Variants in SV2C observed in about 807,000 individuals in gnomAD.
SV2C encodes synaptic vesicle glycoprotein 2C, also known as solute carrier family 22 member B3.
Under a neutral mutation model 79.7 loss-of-function variants are expected in SV2C, and 49 were observed. That is an observed-to-expected ratio of 0.61 (90% CI 0.49 to 0.78). The LOEUF (loss-of-function observed/expected upper bound fraction) is 0.78. SV2C is among the 30% of genes least tolerant of loss of function. The probability of loss-of-function intolerance (pLI) is 0.00; values close to 1 mark genes in which losing one functional copy is unlikely to be tolerated. For missense variants in SV2C, 833 were observed against 912.9 expected (o/e 0.91, Z 1.13); for synonymous variants, 334 against 333.2 (o/e 1.00, Z -0.03).
intron 1 of SV2C, among the ~76,000 whole-genome samples, chr5:76,109,052 AAC>A (rs1011248431): frequency 3.9e-5 from 6 of 152,242 alleles, no homozygotes; most frequent in Non-Finnish European, 7.4e-5. Context: ...TTTGCTTTTA[AAC>A]ACTTGGAGGA....
chr5:75,911,085 C>T, the SV2C span: 5 of 1,390,814 alleles, frequency 3.6e-6, no homozygotes, highest in South Asian at 1.2e-5. Flanking sequence ...CCTGATGCAG[C>T]CCGGGGGAAG....
chr5:76,334,173 G>A (rs1250499574), downstream of SV2C, among the ~76,000 whole-genome samples: 4 of 152,162 alleles, frequency 2.6e-5, no homozygotes, highest in Admixed American at 2.6e-4. Context: ...ATATGTTCGT[G>A]GGGGAGTTTG....
chr5:75,939,545 GA>G, the SV2C span, among the ~76,000 whole-genome samples: 1 of 152,048 alleles, frequency 6.6e-6, no homozygotes, highest in Non-Finnish European at 1.5e-5. Context: ...GGGGTAGGGG[GA>G]CACAATTCGG....
At chr5:75,911,754 A>G in the SV2C span, 297 of 619,268 alleles carry the variant, frequency 4.8e-4, 2 homozygotes, top group African/African-American at 4.1e-3. Flanking sequence ...AGCTTGTCTT[A>G]GCTGACTCCT....
chr5:76,163,458 C>T (rs1350715510), intron 2 of SV2C, among the ~76,000 whole-genome samples: 2 of 152,222 alleles, frequency 1.3e-5, no homozygotes, highest in Non-Finnish European at 2.9e-5. Flanking sequence ...TATAAATCAG[C>T]TCTGCTTGTT....
intron 12 of SV2C, among the ~76,000 whole-genome samples, chr5:76,325,159 G>A (rs1748949303): frequency 6.6e-6 from 1 of 152,166 alleles, no homozygotes. Context: ...TGGAAGCTAT[G>A]GTAAGAAAGT....
intron 1 of SV2C, among the ~76,000 whole-genome samples, chr5:76,107,785 C>A (rs541506735): frequency 6.6e-6 from 1 of 151,938 alleles, no homozygotes; most frequent in African/African-American, 2.4e-5. Context: ...ACCCATGAGT[C>A]GAGGTTGCAG....
At chr5:76,155,855 G>A (rs1742705494) in intron 2 of SV2C, among the ~76,000 whole-genome samples, 1 of 143,188 alleles carries the variant, frequency 7.0e-6, no homozygotes, top group Non-Finnish European at 1.5e-5. Context: ...GAAGTAGGTT[G>A]TAAAACAGAG....
intron 4 of SV2C, among the ~76,000 whole-genome samples, chr5:76,250,456 G>A (rs6863252): frequency 0.84 from 127,288 of 152,220 alleles, 53,729 homozygotes; most frequent in African/African-American, 0.95. Flanking sequence ...CATTTGCACT[G>A]AATAAGCGTT....
chr5:76,148,831 T>A (rs1451127401), intron 2 of SV2C, among the ~76,000 whole-genome samples: 1 of 152,184 alleles, frequency 6.6e-6, no homozygotes, highest in Admixed American at 6.5e-5. Context: ...TTCTGACTAT[T>A]CCTGGGAGAA....
the SV2C span, among the ~76,000 whole-genome samples, chr5:76,036,592 T>C: frequency 6.6e-6 from 1 of 152,252 alleles, no homozygotes; most frequent in African/African-American, 2.4e-5. Context: ...TTCTGGCATG[T>C]AGAATTTCTG....
Position 76,131,824 on chromosome 5 carries a change from A to C in SV2C, c.74A>C (p.Gln25Pro). ...AKDIAREVKKQTVKKVNQAVD... is the reference protein window; with the variant it reads ...AKDIAREVKKPTVKKVNQAVD... ...GACATTGCCAGAGAGGTGAAGAAACAAACAGTAAAGAAGGTGAATCAAGCT... is the reference window on the plus strand; with the variant it reads ...GACATTGCCAGAGAGGTGAAGAAACCAACAGTAAAGAAGGTGAATCAAGCT... The change falls in exon 2 of 13, where the codon CAA (glutamine) becomes CCA (proline). Residue 25 changes from glutamine (Q) to proline (P), a missense_variant. Coordinates refer to ENST00000502798, the MANE Select transcript of SV2C (RefSeq NM_014979.4). 4 of 1,614,098 alleles carry C rather than the reference A, an allele frequency of 2.5e-6. No individual in the cohort carries two copies. The highest frequency in any genetic ancestry group is 3.4e-6 in the Non-Finnish European group (4 of 1,180,008).
intron 4 of SV2C, among the ~76,000 whole-genome samples, chr5:76,272,672 C>T (rs746053422): frequency 6.6e-6 from 1 of 152,134 alleles, no homozygotes; most frequent in Non-Finnish European, 1.5e-5. Flanking sequence ...CTTGAAAGGA[C>T]CTTCTTGTGG....
intron 12 of SV2C, among the ~76,000 whole-genome samples, chr5:76,313,828 A>ATT (rs1748535666): frequency 6.6e-6 from 1 of 152,212 alleles, no homozygotes; most frequent in African/African-American, 2.4e-5. Context: ...TTGCTTATAC[A>ATT]GAACAGCACT....
At chr5:75,970,273 CA>C in the SV2C span, among the ~76,000 whole-genome samples, 1 of 151,922 alleles carries the variant, frequency 6.6e-6, no homozygotes, top group Admixed American at 6.6e-5. Context: ...ACTAGAGAAG[CA>C]AGAGCAAACA....
At chr5:76,063,874 T>C in the SV2C span, among the ~76,000 whole-genome samples, 1 of 152,178 alleles carries the variant, frequency 6.6e-6, no homozygotes, top group Admixed American at 6.5e-5. Flanking sequence ...TAAAACACAT[T>C]TGAGGAGATA....
At chr5:76,150,703 T>A (rs1580309037) in intron 2 of SV2C, among the ~76,000 whole-genome samples, 1 of 122,840 alleles carries the variant, frequency 8.1e-6, no homozygotes, top group African/African-American at 3.0e-5. Context: ...AGTGGCACAA[T>A]CATGGCTCAC....
the SV2C span, among the ~76,000 whole-genome samples, chr5:76,050,934 A>G: frequency 5.3e-5 from 8 of 152,250 alleles, no homozygotes; most frequent in Non-Finnish European, 1.0e-4. Flanking sequence ...TGACTGGAAT[A>G]AAAAATAATG....
rs1554048529 is a variant in SV2C, at chr5:76,330,860, T to TTTTTTTTTTTTG, written c.*5313_*5314insTTTTTTTTTTTG. ...CTCTAGAGCATTTTTTTTTTTTTTT[T>TTTTTTTTTTTTG]GGGCGGGGGGGCGGGGGACGGAGTC... On this transcript the variant is annotated 3_prime_UTR_variant, in exon 13 of 13. Transcript: ENST00000502798. The TTTTTTTTTTTTG allele has an allele frequency of 7.3e-5, 1 of 13,646 alleles. No individual in the cohort carries two copies. 0.8% of individuals were successfully genotyped at this position (13,646 alleles called of 1,614,324 possible). A position where few individuals can be genotyped will look rare whatever the true frequency, so the allele number is the denominator to read the frequency against.
Sources: allele counts gnomAD v4.1 joint callset (sites outside exome capture counted in the v4.1 genomes callset), GRCh38; gene constraint gnomAD v4.1.1; transcripts MANE v1.5; gene names NCBI Gene and HGNC (gene_info 2026-07-23, HGNC 2026-07-21).